PRKCA: variants seen among roughly 807,000 people sequenced by gnomAD.
PRKCA encodes protein kinase C alpha, also known as protein kinase C alpha type.
In PRKCA, 27 loss-of-function variants were observed where a neutral mutation model predicts 87.0. The ratio of observed to expected loss-of-function variants is 0.31; its 90% CI spans 0.23 to 0.43. PRKCA has a LOEUF of 0.43. Among genes scored for constraint, PRKCA ranks in the 20% least tolerant of loss-of-function variants. The pLI is 1.00. For synonymous variants in PRKCA, 329 were observed against 311.1 expected, an observed-to-expected ratio of 1.06 and a Z score of -0.61; for missense variants, 518 against 852.3, an observed-to-expected ratio of 0.61 and a Z score of 4.88.
chr17:66,512,457 AGTGTGT>A (rs71160573), intron 3 of PRKCA, among the ~76,000 whole-genome samples: 6,636 of 144,430 alleles, frequency 0.046, 201 homozygotes, highest in Non-Finnish European at 0.059. Context: ...CAACAAAAAA[AGTGTGT>A]GTGTGTGTGT....
chr17:66,327,848 A>G (rs1253633420), intron 2 of PRKCA, among the ~76,000 whole-genome samples: 2 of 152,302 alleles, frequency 1.3e-5, no homozygotes, highest in Middle Eastern at 3.4e-3. Context: ...CATATCTGCC[A>G]GCCACGGTGC....
At chr17:66,649,320 A>G (rs905303990) in intron 5 of PRKCA, among the ~76,000 whole-genome samples, 51 of 152,330 alleles carry the variant, frequency 3.3e-4, no homozygotes, top group African/African-American at 1.2e-3. Context: ...TAGTTCAGGC[A>G]TGGGTTTGTC....
chr17:66,749,477 G>A (rs528553616), intron 13 of PRKCA, among the ~76,000 whole-genome samples: 18 of 152,270 alleles, frequency 1.2e-4, no homozygotes, highest in African/African-American at 3.9e-4. Flanking sequence ...ATTTGAACCT[G>A]CAAACCTCCA....
At chr17:66,553,365 A>G (rs921020216) in intron 3 of PRKCA, among the ~76,000 whole-genome samples, 2 of 152,318 alleles carry the variant, frequency 1.3e-5, no homozygotes, top group South Asian at 2.1e-4. Flanking sequence ...AAATAATTCC[A>G]TAGCTAGAAA....
At chr17:66,555,547 G>A (rs1466797506) in intron 3 of PRKCA, among the ~76,000 whole-genome samples, 1 of 152,082 alleles carries the variant, frequency 6.6e-6, no homozygotes, top group Non-Finnish European at 1.5e-5. Flanking sequence ...CTTTACAAAT[G>A]TCCCTCCTTG....
At chr17:66,540,527 G>A (rs901696792) in intron 3 of PRKCA, among the ~76,000 whole-genome samples, 1 of 152,200 alleles carries the variant, frequency 6.6e-6, no homozygotes, top group Admixed American at 6.5e-5. Flanking sequence ...GCGGGCTGCC[G>A]TGCGGGGGCT....
chr17:66,306,570 T>C (rs2143109160), intron 2 of PRKCA, among the ~76,000 whole-genome samples: 1 of 152,314 alleles, frequency 6.6e-6, no homozygotes, highest in African/African-American at 2.4e-5. Flanking sequence ...TTGTTTAGAA[T>C]ACCAGTTGTC....
At chr17:66,524,486 A>T (rs1321728042) in intron 3 of PRKCA, among the ~76,000 whole-genome samples, 1 of 152,250 alleles carries the variant, frequency 6.6e-6, no homozygotes, top group Non-Finnish European at 1.5e-5. Flanking sequence ...ACTTATAAAC[A>T]GTTGACTTGA....
At chr17:66,447,799 C>T (rs1274170226) in intron 2 of PRKCA, among the ~76,000 whole-genome samples, 1 of 152,238 alleles carries the variant, frequency 6.6e-6, no homozygotes, top group African/African-American at 2.4e-5. Context: ...GTGGCTACCT[C>T]CTCACGTCTA....
At chr17:66,437,716 T>G (rs1913472199) in intron 2 of PRKCA, among the ~76,000 whole-genome samples, 5 of 105,370 alleles carry the variant, frequency 4.7e-5, no homozygotes, top group Non-Finnish European at 6.1e-5. Flanking sequence ...TTGTTTCAAG[T>G]TTCCTTTTTT....
intron 3 of PRKCA, among the ~76,000 whole-genome samples, chr17:66,563,405 A>G (rs1314641642): frequency 1.3e-5 from 2 of 152,120 alleles, no homozygotes; most frequent in African/African-American, 2.4e-5. Flanking sequence ...GGAATGTCAT[A>G]TAGTTGAAGT....
At chr17:66,743,430 G>A (rs61761558) in intron 13 of PRKCA, among the ~76,000 whole-genome samples, 15,195 of 152,238 alleles carry the variant, frequency 0.1, 1,593 homozygotes, top group African/African-American at 0.26. Flanking sequence ...TAGCAGCATC[G>A]CGGTGATGAC....
chr17:66,590,714 A>T (rs1351715776), intron 3 of PRKCA, among the ~76,000 whole-genome samples: 1 of 152,072 alleles, frequency 6.6e-6, no homozygotes, highest in Admixed American at 6.6e-5. Flanking sequence ...GCTGGACATG[A>T]TGGCGGGTGC....
chr17:66,566,177 C>T (rs1598775299), intron 3 of PRKCA, among the ~76,000 whole-genome samples: 1 of 152,196 alleles, frequency 6.6e-6, no homozygotes, highest in African/African-American at 2.4e-5. Context: ...CACATTTCCT[C>T]TATGGCCCCT....
At chr17:66,663,673 G>A (rs1283436714) in intron 5 of PRKCA, among the ~76,000 whole-genome samples, 1 of 152,136 alleles carries the variant, frequency 6.6e-6, no homozygotes, top group Non-Finnish European at 1.5e-5. Flanking sequence ...CTTTGTTGGG[G>A]GAGGGAGGAT....
In PRKCA at chr17:66,568,652, G is replaced by A. The variant is rs147508318; in HGVS notation, c.288+72369G>A. The stretch of plus-strand genomic sequence containing the variant: ...ATGGGGTTTGAGAAGTACATAAACA[G>A]TTCATTGTGGCATAAAATGACATTA... On this transcript the variant is annotated intron_variant, in intron 3 of 16. Transcript: ENST00000413366. Among the ~76,000 whole-genome samples the A allele has an allele frequency of 3.2e-3, 484 of 152,228 alleles. 5 individuals are homozygous for A. Among genetic ancestry groups the A allele is most frequent in the African/African-American group, 0.011 (450 of 41,534 alleles).
chr17:66,786,982 G>A lies in PRKCA; in HGVS notation c.1713+8G>A, dbSNP rs766129054. The A allele has an allele frequency of 5.9e-5, 92 of 1,557,472 alleles. No homozygotes were observed. The Admixed American group carries it at 1.2e-3, about 20-fold the overall frequency. Reference sequence around the variant, plus strand: ...GTTTCTGTCTGCAAAGGAGTAAGTCGATTTGGATACCTTTTGTGATCATGG... The same window carrying A: ...GTTTCTGTCTGCAAAGGAGTAAGTCAATTTGGATACCTTTTGTGATCATGG... On this transcript the variant is annotated splice_region_variant and intron_variant, in intron 15 of 16. Transcript: ENST00000413366.
At chr17:66,467,890 T>TAA (rs76621169) in intron 2 of PRKCA, among the ~76,000 whole-genome samples, 1 of 146,070 alleles carries the variant, frequency 6.8e-6, no homozygotes. Context: ...AACAAAAAAT[T>TAA]AAAAAAAAAA....
At chr17:66,564,016 CT>C (rs1175291123) in intron 3 of PRKCA, among the ~76,000 whole-genome samples, 1 of 135,376 alleles carries the variant, frequency 7.4e-6, no homozygotes, top group Non-Finnish European at 1.6e-5. Context: ...CTTTCTTTCT[CT>C]CTCTCTTTCT....
Sources: allele counts gnomAD v4.1 joint callset (sites outside exome capture counted in the v4.1 genomes callset), GRCh38; gene constraint gnomAD v4.1.1; transcripts MANE v1.5; gene names NCBI Gene and HGNC (gene_info 2026-07-23, HGNC 2026-07-21).